FSTL4: variants seen among roughly 807,000 people sequenced by gnomAD.
FSTL4 encodes follistatin like 4, also known as follistatin-related protein 4.
Under a neutral mutation model 78.2 loss-of-function variants are expected in FSTL4, and 28 were observed. The ratio of observed to expected loss-of-function variants is 0.36; its 90% confidence interval spans 0.27 to 0.49. The LOEUF is 0.49. Among genes scored for constraint, FSTL4 ranks in the 20% least tolerant of loss-of-function variants. FSTL4 has a pLI of 0.98. For synonymous variants in FSTL4, 422 were observed against 440.5 expected (o/e 0.96, Z 0.53); for missense variants, 922 against 1,084.9 (o/e 0.85, Z 2.11).
the FSTL4 span, among the ~76,000 whole-genome samples, chr5:133,794,014 T>C: frequency 1.3e-5 from 2 of 152,114 alleles, no homozygotes; most frequent in African/African-American, 2.4e-5. Context: ...CAAATGAAAA[T>C]GTAGGAGGCT....
intron 3 of FSTL4, among the ~76,000 whole-genome samples, chr5:133,458,864 G>T (rs1757541203): frequency 1.3e-5 from 2 of 152,224 alleles, no homozygotes; most frequent in Non-Finnish European, 1.5e-5. Context: ...TCCTGTGAAG[G>T]CCCCATCACA....
At chr5:133,396,290 TACTC>T (rs572389488) in intron 4 of FSTL4, among the ~76,000 whole-genome samples, 141 of 152,334 alleles carry the variant, frequency 9.3e-4, no homozygotes, top group African/African-American at 2.9e-3. Context: ...GCTCCTGTCA[TACTC>T]ACAACACTCT....
chr5:133,740,250 T>C, the FSTL4 span, among the ~76,000 whole-genome samples: 1 of 152,038 alleles, frequency 6.6e-6, no homozygotes, highest in Non-Finnish European at 1.5e-5. Context: ...TGTTTCAAGT[T>C]CCTTACACCT....
chr5:133,470,746 A>AAAAATAAAATAAAATAAAATAAAAT lies in FSTL4; in HGVS notation c.161-69785_161-69761dup, dbSNP rs61460224. On this transcript the variant is annotated intron_variant, in intron 3 of 15. Transcript: ENST00000265342. The stretch of plus-strand genomic sequence containing the variant: ...GGGAACAAGAGTGAAACTCTGCCTC[A>AAAAATAAAATAAAATAAAATAAAAT]AAAATAAAATAAAATAAAATAAAAT... Among the ~76,000 whole-genome samples the AAAAATAAAATAAAATAAAATAAAAT allele has an allele frequency of 4.5e-3, 565 of 126,966 alleles. 9 individuals carry two copies. Among genetic ancestry groups the AAAAATAAAATAAAATAAAATAAAAT allele is most frequent in the African/African-American group, 0.016 (521 of 31,704 alleles). 83.3% of individuals were successfully genotyped at this position (126,966 alleles called of 152,430 possible).
intron 3 of FSTL4, among the ~76,000 whole-genome samples, chr5:133,449,561 G>A (rs1456567504): frequency 1.3e-5 from 2 of 152,190 alleles, no homozygotes; most frequent in Admixed American, 6.5e-5. Flanking sequence ...TGATCTCCAT[G>A]TGGGGAAAAC....
At chr5:133,483,787 C>T (rs146905099) in intron 3 of FSTL4, among the ~76,000 whole-genome samples, 1 of 152,180 alleles carries the variant, frequency 6.6e-6, no homozygotes, top group Non-Finnish European at 1.5e-5. Flanking sequence ...GAAATAAAAT[C>T]CTTTCCTGCT....
chr5:133,497,517 C>T (rs961910898), intron 3 of FSTL4, among the ~76,000 whole-genome samples: 3 of 152,184 alleles, frequency 2.0e-5, no homozygotes, highest in African/African-American at 7.2e-5. Flanking sequence ...CAAGCTCAGG[C>T]AGCTCCTGAG....
chr5:133,478,340 G>C (rs764709836), intron 3 of FSTL4, among the ~76,000 whole-genome samples: 8 of 152,190 alleles, frequency 5.3e-5, no homozygotes, highest in Non-Finnish European at 1.2e-4. Context: ...CTGCTCATCT[G>C]AAATTCTAAC....
intron 4 of FSTL4, among the ~76,000 whole-genome samples, chr5:133,343,269 G>A (rs906321569): frequency 1.3e-5 from 2 of 152,236 alleles, no homozygotes; most frequent in African/African-American, 4.8e-5. Context: ...CGCTAGCTCT[G>A]ATGTGAAATG....
At position 133,444,209 on chromosome 5, in the gene FSTL4, G is replaced by A. The variant is rs115062950; in HGVS notation, c.161-43223C>T. Among the ~76,000 whole-genome samples the A allele has an allele frequency of 6.7e-3, 1,024 of 152,276 alleles. 12 individuals carry two copies. The highest frequency in any genetic ancestry group is 0.024 in the African/African-American group (988 of 41,542). ...AAGAAAAGAAAAATAAAAACATAAC[G>A]ACAGACAGATAGGTAGGCACCTTCT... On this transcript the variant is annotated intron_variant, in intron 3 of 15. Coordinates refer to ENST00000265342, the MANE Select transcript of FSTL4 (RefSeq NM_015082.2).
At position 133,271,606 on chromosome 5, in the gene FSTL4, C is replaced by T. The variant is rs186022940; in HGVS notation, c.728-22030G>A. Reference sequence around the variant, plus strand: ...TTTTAGCCTTAATGAGATACCAAGTCCCTTCTGTTCTCAGTAACAGAGACC... The same window carrying T: ...TTTTAGCCTTAATGAGATACCAAGTTCCTTCTGTTCTCAGTAACAGAGACC... On this transcript the variant is annotated intron_variant, in intron 6 of 15. Coordinates refer to ENST00000265342, the MANE Select transcript of FSTL4 (RefSeq NM_015082.2). Among the ~76,000 whole-genome samples, 12 of 152,274 alleles carry T rather than the reference C, an allele frequency of 7.9e-5. No homozygotes were observed. The East Asian group carries it at 2.3e-3, about 29-fold the overall frequency.
rs138736796 is a variant in FSTL4, at chr5:133,259,010, G to A, written c.728-9434C>T. Among the ~76,000 whole-genome samples the A allele has an allele frequency of 6.5e-3, 982 of 152,222 alleles. 7 individuals carry two copies. Among genetic ancestry groups the A allele is most frequent in the Middle Eastern group, 0.017 (5 of 294 alleles). On this transcript the variant is annotated intron_variant, in intron 6 of 15. Coordinates refer to ENST00000265342, the MANE Select transcript of FSTL4 (RefSeq NM_015082.2). ...CCACATCTGTATCTGTTGCTACAGCGTCCAAACTGCTGGACTGAGGGAGCA... is the reference window on the plus strand; with the variant it reads ...CCACATCTGTATCTGTTGCTACAGCATCCAAACTGCTGGACTGAGGGAGCA...
chr5:133,330,641 AC>A (rs1479366274), intron 4 of FSTL4, among the ~76,000 whole-genome samples: 7 of 152,170 alleles, frequency 4.6e-5, no homozygotes, highest in African/African-American at 7.2e-5. Context: ...AGAATAATAC[AC>A]CACACATATA....
At chr5:133,604,477 G>C (rs762721751) in intron 1 of FSTL4, among the ~76,000 whole-genome samples, 3 of 152,134 alleles carry the variant, frequency 2.0e-5, no homozygotes, top group Non-Finnish European at 2.9e-5. Context: ...GGTAGGCGGA[G>C]GTAGATGGAT....
upstream of FSTL4, among the ~76,000 whole-genome samples, chr5:133,615,673 T>C (rs1255245260): frequency 6.6e-6 from 1 of 152,248 alleles, no homozygotes; most frequent in Admixed American, 6.5e-5. Flanking sequence ...ATTTTTAAGA[T>C]GATAATTCAT....
chr5:133,338,435 T>C lies in FSTL4; in HGVS notation c.410-21783A>G, dbSNP rs1754513845. On this transcript the variant is annotated intron_variant, in intron 4 of 15. Transcript: ENST00000265342. This position sits in a 1 kb window ranked among gnomAD's most constrained non-coding sequence, Gnocchi z 4.0. ...GCTGAGAGTATTTGGCTGCTTCTCC[T>C]GCCCCATGCTTTTCTAGGTTCCCAG... 6.6e-6 allele frequency among the ~76,000 whole-genome samples: 1 copy of C among 152,176 alleles called. No homozygotes were observed. The highest frequency in any genetic ancestry group is 2.4e-5 in the African/African-American group (1 of 41,434).
At chr5:133,447,057 G>A (rs1458054791) in intron 3 of FSTL4, among the ~76,000 whole-genome samples, 2 of 152,214 alleles carry the variant, frequency 1.3e-5, no homozygotes, top group Non-Finnish European at 2.9e-5. Context: ...CTCCCCTGCC[G>A]ATGCTCTGAG....
chr5:133,422,886 T>C (rs928087401), intron 3 of FSTL4, among the ~76,000 whole-genome samples: 8 of 152,280 alleles, frequency 5.3e-5, no homozygotes, highest in African/African-American at 1.9e-4. Flanking sequence ...GCCACGTTTA[T>C]TTCATTTTTC....
intron 13 of FSTL4, among the ~76,000 whole-genome samples, chr5:133,216,791 A>C (rs1750921483): frequency 6.6e-6 from 1 of 152,214 alleles, no homozygotes; most frequent in Admixed American, 6.5e-5. Flanking sequence ...CTGGCCTCCG[A>C]GGCCCTGTGT....
Sources: gnomAD v4.1 joint callset for allele counts (sites outside exome capture counted in the v4.1 genomes callset) on GRCh38, gnomAD v4.1.1 for gene constraint, Gnocchi (gnomAD v3.1) non-coding constraint, MANE v1.5 for transcripts, NCBI Gene and HGNC (gene_info 2026-07-23, HGNC 2026-07-21) for gene names.